ADCYAP1: variants seen among roughly 807,000 people sequenced by gnomAD.
The protein encoded by ADCYAP1 is pituitary adenylate cyclase-activating polypeptide.
In ADCYAP1, 6 loss-of-function variants were observed where a neutral mutation model predicts 18.5. The observed-to-expected ratio is 0.32, with a 90% confidence interval of 0.18 to 0.64. The LOEUF is 0.64. ADCYAP1 is among the 30% of genes least tolerant of loss of function. ADCYAP1 has a pLI of 0.77. For synonymous variants in ADCYAP1, 136 were observed against 113.9 expected (o/e 1.19, Z -1.24); for missense variants, 314 against 253.6 (o/e 1.24, Z -1.62).
intron 2 of ADCYAP1, 121 bp downstream of exon 2, chr18:905,617 G>T: frequency 8.4e-7 from 1 of 1,194,094 alleles, no homozygotes; most frequent in Non-Finnish European, 1.2e-6. Context: ...CTGCGCCCCC[G>T]GTGCGCCTCC....
intron 1 of ADCYAP1, 72 bp from the exon 2 acceptor site, chr18:905,313 GC>G: frequency 6.4e-7 from 1 of 1,569,190 alleles, no homozygotes; most frequent in Non-Finnish European, 8.6e-7. Context: ...GGCTTCCAGA[GC>G]TTTTTGGGGT....
At position 904,900 on chromosome 18, in the gene ADCYAP1, C is replaced by T. The variant is rs923420674; in HGVS notation, c.-162C>T. The T allele has an allele frequency of 2.3e-6, 3 of 1,288,980 alleles. No homozygotes were observed. The highest frequency in any genetic ancestry group is 3.0e-6 in the Non-Finnish European group (3 of 988,458). The allele number at this position is 1,288,980 out of a possible 1,614,324, so 79.8% of individuals were successfully genotyped here. On this transcript the variant is annotated 5_prime_UTR_variant, in exon 1 of 5. Transcript: ENST00000450565. ...CACGAGCCTCGGCAAACGAGTCCCG[C>T]AGCTCCTCCTGCTGCTCCCGCTGGT...
At chr18:909,340 G>A in intron 4 of ADCYAP1, 106 bp from the exon 5 acceptor site, 6 of 1,133,926 alleles carry the variant, frequency 5.3e-6, no homozygotes, top group Non-Finnish European at 7.3e-6. Flanking sequence ...CGAGCCCCGG[G>A]CCCTCCCCGA....
chr18:910,430 C>T lies in ADCYAP1; in HGVS notation c.*795C>T, dbSNP rs774685836. 1 of 152,224 alleles carries T rather than the reference C, an allele frequency of 6.6e-6. No individual in the cohort carries two copies. The highest frequency in any genetic ancestry group is 1.5e-5 in the Non-Finnish European group (1 of 68,046). The allele number at this position is 152,224 out of a possible 1,614,324, so 9.4% of individuals were successfully genotyped here. ...AGTTGAGGAACTGTACAGAAAAGGG[C>T]GGCTTCGTTAGACCGCTCTCTTTTC... On this transcript the variant is annotated 3_prime_UTR_variant, in exon 5 of 5. Coordinates refer to ENST00000450565, the MANE Select transcript of ADCYAP1 (RefSeq NM_001099733.2).
At chr18:909,379 G>C in intron 4 of ADCYAP1, 67 bp from the exon 5 acceptor site, 2 of 1,498,866 alleles carry the variant, frequency 1.3e-6, no homozygotes, top group Non-Finnish European at 1.8e-6. Context: ...GGGCCCGCCT[G>C]CTCCCCGCGG....
Position 907,648 on chromosome 18 carries a change from C to T in ADCYAP1, c.111-11C>T. On this transcript the variant is annotated splice_polypyrimidine_tract_variant and intron_variant, in intron 2 of 4. Transcript: ENST00000450565. Reference sequence around the variant, plus strand: ...CACTGACCACACCTTCTGTCCCCGGCCACCCCGCAGGCCAGAGGAAGAGGC... The same window carrying T: ...CACTGACCACACCTTCTGTCCCCGGTCACCCCGCAGGCCAGAGGAAGAGGC... The T allele has an allele frequency of 6.3e-7, 1 of 1,580,208 alleles. No homozygotes were observed. Among genetic ancestry groups the T allele is most frequent in the Non-Finnish European group, 8.5e-7 (1 of 1,171,530 alleles).
At chr18:906,908 C>A (rs554385851) in intron 2 of ADCYAP1, among the ~76,000 whole-genome samples, 1 of 152,228 alleles carries the variant, frequency 6.6e-6, no homozygotes, top group Non-Finnish European at 1.5e-5. Context: ...CAGATCAGCG[C>A]GAACTATTCG....
intron 3 of ADCYAP1, 95 bp from the exon 4 acceptor site, chr18:908,170 G>T (rs1598984465): frequency 1.8e-6 from 2 of 1,141,644 alleles, no homozygotes; most frequent in Non-Finnish European, 2.5e-6. Context: ...AGCCTCCCCG[G>T]CCGCCGAGGG....
Position 904,901 on chromosome 18 carries a change from A to AGCTCCTCCTGCTGCTCCCGCT in ADCYAP1, c.-159_-139dup. 3 of 1,289,052 alleles carry AGCTCCTCCTGCTGCTCCCGCT rather than the reference A, an allele frequency of 2.3e-6. No individual in the cohort carries two copies. In the South Asian group the frequency reaches 3.7e-5, roughly 16 times the overall value. 79.9% of individuals were successfully genotyped at this position (1,289,052 alleles called of 1,614,324 possible). ...ACGAGCCTCGGCAAACGAGTCCCGC[A>AGCTCCTCCTGCTGCTCCCGCT]GCTCCTCCTGCTGCTCCCGCTGGTT... On this transcript the variant is annotated 5_prime_UTR_variant, in exon 1 of 5. Transcript: ENST00000450565.
intron 2 of ADCYAP1, 52 bp downstream of exon 2, chr18:905,548 A>G (rs761954441): frequency 1.4e-4 from 226 of 1,585,992 alleles, no homozygotes; most frequent in Non-Finnish European, 1.8e-4. Context: ...CCAGGCACAG[A>G]CGCTTCCTCA....
rs1422278880 is a variant in ADCYAP1 at position 911,328 on chromosome 18, A to C, written c.*1693A>C. On this transcript the variant is annotated 3_prime_UTR_variant, in exon 5 of 5. Coordinates refer to ENST00000450565, the MANE Select transcript of ADCYAP1 (RefSeq NM_001099733.2). Reference sequence around the variant, plus strand: ...CCCAGCAATCAGATCGAGCAGCAACAGACAAACCAGCCAGCCAATCTCCCA... The same window carrying C: ...CCCAGCAATCAGATCGAGCAGCAACCGACAAACCAGCCAGCCAATCTCCCA... The C allele has an allele frequency of 6.6e-6, 1 of 151,924 alleles. No individual in the cohort carries two copies. The highest frequency in any genetic ancestry group is 1.9e-4 in the East Asian group (1 of 5,184). 9.4% of individuals were successfully genotyped at this position (151,924 alleles called of 1,614,324 possible).
intron 2 of ADCYAP1, 41 bp downstream of exon 2, chr18:905,537 C>A (rs1418994064): frequency 6.3e-7 from 1 of 1,596,324 alleles, no homozygotes. Context: ...GCTGGGGCTT[C>A]CCAGGCACAG....
chr18:907,768 T>A lies in ADCYAP1; in HGVS notation c.220T>A (p.Trp74Arg). Residue 74 changes from tryptophan (W) to arginine (R), a missense_variant, in exon 3 of 5, where the codon TGG (tryptophan) becomes AGG (arginine). Transcript: ENST00000450565. ...CTCCGCGCCGCGCGCCGCCGCCGCCTGGTACCGCCCGGCCGGGAGAAGGTG... is the reference window on the plus strand; with the variant it reads ...CTCCGCGCCGCGCGCCGCCGCCGCCAGGTACCGCCCGGCCGGGAGAAGGTG... Reference protein sequence around the residue: ...PASAPRAAAAWYRPAGRRDVA... With the variant: ...PASAPRAAAARYRPAGRRDVA... The A allele has an allele frequency of 6.8e-7, 1 of 1,469,744 alleles. No individual in the cohort carries two copies. The highest frequency in any genetic ancestry group is 1.4e-5 in the South Asian group (1 of 73,042). 91.0% of individuals were successfully genotyped at this position (1,469,744 alleles called of 1,614,324 possible).
At chr18:909,067 G>A (rs958279537) in intron 4 of ADCYAP1, among the ~76,000 whole-genome samples, 1 of 152,190 alleles carries the variant, frequency 6.6e-6, no homozygotes, top group African/African-American at 2.4e-5. Flanking sequence ...GGGCTCTCCG[G>A]TTACTTTCTC....
In ADCYAP1 at chr18:909,820, A is replaced by G. The variant is rs1490218118; in HGVS notation, c.*185A>G. On this transcript the variant is annotated 3_prime_UTR_variant, in exon 5 of 5. Transcript: ENST00000450565. ...CTTTCTACAAAGCACTAGAGAATGCACAGATATACTTTGTGGACCAATTAT... is the reference window on the plus strand; with the variant it reads ...CTTTCTACAAAGCACTAGAGAATGCGCAGATATACTTTGTGGACCAATTAT... The G allele has an allele frequency of 6.6e-6, 2 of 301,356 alleles. No homozygotes were observed. The highest frequency in any genetic ancestry group is 1.2e-5 in the Non-Finnish European group (2 of 164,490). 18.7% of individuals were successfully genotyped at this position (301,356 alleles called of 1,614,324 possible).
At chr18:908,217 TG>T in intron 3 of ADCYAP1, 47 bp from the exon 4 acceptor site, 1 of 1,546,994 alleles carries the variant, frequency 6.5e-7, no homozygotes, top group Non-Finnish European at 8.8e-7. Flanking sequence ...AGCGGCCACC[TG>T]GGGACAGAAA....
Position 907,446 on chromosome 18 carries a change from G to T in ADCYAP1, c.111-213G>T, listed in dbSNP as rs1411306299. 4 of 486,766 alleles carry T rather than the reference G, an allele frequency of 8.2e-6. No homozygotes were observed. In the East Asian group the frequency reaches 1.5e-4, roughly 18 times the overall value. 30.2% of individuals were successfully genotyped at this position (486,766 alleles called of 1,614,324 possible). On this transcript the variant is annotated intron_variant, in intron 2 of 4. Coordinates refer to ENST00000450565, the MANE Select transcript of ADCYAP1 (RefSeq NM_001099733.2). ...GGACGACCCTTTACCCGCGAAGGGG[G>T]GGTGGGCGGGCCGCCCGGCGGGGTA...
Position 904,921 on chromosome 18 carries a change from C to T in ADCYAP1, c.-141C>T. 3.1e-6 allele frequency: 4 copies of T among 1,290,062 alleles called. No individual in the cohort carries two copies. The South Asian group carries it at 4.9e-5, about 16-fold the overall frequency. 79.9% of individuals were successfully genotyped at this position (1,290,062 alleles called of 1,614,324 possible). ...CCCGCAGCTCCTCCTGCTGCTCCCG[C>T]TGGTTCCTGCGGCTTCTGCTCAGAC... On this transcript the variant is annotated 5_prime_UTR_variant, in exon 1 of 5. Coordinates refer to ENST00000450565, the MANE Select transcript of ADCYAP1 (RefSeq NM_001099733.2).
chr18:905,295 C>T (rs1302470274), intron 1 of ADCYAP1, 91 bp from the exon 2 acceptor site: 3 of 1,541,890 alleles, frequency 1.9e-6, no homozygotes, highest in East Asian at 2.3e-5. Context: ...TCGCTCCGTC[C>T]CTCCCCCGGC....
Sources: gnomAD v4.1 joint callset for allele counts (sites outside exome capture counted in the v4.1 genomes callset) on GRCh38, gnomAD v4.1.1 for gene constraint, MANE v1.5 for transcripts, NCBI Gene and HGNC (gene_info 2026-07-23, HGNC 2026-07-21) for gene names.